Variants in SMYD3 observed in about 807,000 individuals in gnomAD.
The protein encoded by SMYD3 is histone-lysine N-methyltransferase SMYD3.
A neutral mutation model predicts 57.7 loss-of-function variants in SMYD3; 36 were observed. The observed-to-expected ratio is 0.62, with a 90% CI of 0.48 to 0.82. The LOEUF (loss-of-function observed/expected upper bound fraction) is 0.82, where lower values mean the gene tolerates loss of function less well. SMYD3 is among the 40% of genes least tolerant of loss of function. SMYD3 has a pLI of 0.00. For missense variants in SMYD3, 515 were observed against 538.8 expected, an observed-to-expected ratio of 0.96 and a Z score of 0.44; for synonymous variants, 211 against 195.0, an observed-to-expected ratio of 1.08 and a Z score of -0.68.
At chr1:245,996,111 T>C (rs2058925990) in intron 5 of SMYD3, among the ~76,000 whole-genome samples, 1 of 152,222 alleles carries the variant, frequency 6.6e-6, no homozygotes, top group Non-Finnish European at 1.5e-5. Flanking sequence ...GGAAGAAATG[T>C]TTCTTGTTTA....
At chr1:246,353,573 T>C (rs1237401058) in intron 2 of SMYD3, among the ~76,000 whole-genome samples, 1 of 152,160 alleles carries the variant, frequency 6.6e-6, no homozygotes, top group African/African-American at 2.4e-5. Flanking sequence ...ATACAATATA[T>C]AATGGAAAAC....
chr1:245,971,729 G>C (rs1035778193), intron 5 of SMYD3, among the ~76,000 whole-genome samples: 2 of 152,080 alleles, frequency 1.3e-5, no homozygotes, highest in Non-Finnish European at 2.9e-5. Context: ...ATGGTTGGTG[G>C]GTTTATTTTT....
intron 5 of SMYD3, among the ~76,000 whole-genome samples, chr1:246,322,656 C>T (rs1178444254): frequency 6.6e-6 from 1 of 152,128 alleles, no homozygotes; most frequent in African/African-American, 2.4e-5. Flanking sequence ...CCTTTCATTG[C>T]TCACACTTTA....
chr1:246,452,233 C>T (rs997920672), intron 1 of SMYD3, among the ~76,000 whole-genome samples: 1 of 152,146 alleles, frequency 6.6e-6, no homozygotes, highest in African/African-American at 2.4e-5. Flanking sequence ...GGGCCAGGGG[C>T]GGTGGCTCAC....
chr1:245,885,241 CTTTAAGAACTG>C, intron 8 of SMYD3, among the ~76,000 whole-genome samples: 1 of 152,198 alleles, frequency 6.6e-6, no homozygotes, highest in Middle Eastern at 3.2e-3. Flanking sequence ...GACACACCAT[CTTTAAGAACTG>C]TAACACTCAC....
chr1:246,019,952 T>A (rs1057224642), intron 5 of SMYD3, among the ~76,000 whole-genome samples: 1 of 152,118 alleles, frequency 6.6e-6, no homozygotes, highest in Non-Finnish European at 1.5e-5. Context: ...AGAAAGGAGA[T>A]TTTTCTCTTC....
intron 10 of SMYD3, among the ~76,000 whole-genome samples, chr1:245,815,889 G>A (rs941886091): frequency 1.3e-5 from 2 of 152,194 alleles, no homozygotes; most frequent in African/African-American, 4.8e-5. Flanking sequence ...CCTGGGTCTT[G>A]TGATTCCAAA....
chr1:245,991,044 C>A (rs1241708673), intron 5 of SMYD3, among the ~76,000 whole-genome samples: 1 of 152,190 alleles, frequency 6.6e-6, no homozygotes, highest in Non-Finnish European at 1.5e-5. Context: ...CTAACAATTA[C>A]CAAAGATCCA....
At chr1:245,801,724 TAAAAA>T (rs35820552) in intron 10 of SMYD3, among the ~76,000 whole-genome samples, 1 of 145,546 alleles carries the variant, frequency 6.9e-6, no homozygotes, top group Non-Finnish European at 1.5e-5. Flanking sequence ...CAGGATTTGT[TAAAAA>T]AAAAAAAAAA....
intron 5 of SMYD3, among the ~76,000 whole-genome samples, chr1:246,026,813 G>A (rs1389432968): frequency 3.3e-5 from 5 of 152,194 alleles, no homozygotes; most frequent in African/African-American, 1.2e-4. Context: ...CACGTGAAAG[G>A]AGGAGTTGCA....
intron 10 of SMYD3, among the ~76,000 whole-genome samples, chr1:245,806,810 T>A (rs1268167615): frequency 6.8e-6 from 1 of 146,324 alleles, no homozygotes; most frequent in Admixed American, 7.1e-5. Context: ...CTCGGGAGGC[T>A]GAGGCAGGAG....
chr1:245,763,489 C>T (rs1458991873), intron 11 of SMYD3, among the ~76,000 whole-genome samples: 1 of 152,006 alleles, frequency 6.6e-6, no homozygotes, highest in Non-Finnish European at 1.5e-5. Context: ...GCACTTAAGG[C>T]AGAGGAAAAA....
At chr1:246,195,418 T>C (rs2062815646) in intron 5 of SMYD3, among the ~76,000 whole-genome samples, 1 of 152,098 alleles carries the variant, frequency 6.6e-6, no homozygotes, top group South Asian at 2.1e-4. Flanking sequence ...TGACAATAGG[T>C]AACTTTTCAT....
intron 11 of SMYD3, among the ~76,000 whole-genome samples, chr1:245,751,548 G>GAGAGAGAC (rs1197603130): frequency 1.3e-4 from 20 of 149,368 alleles, no homozygotes; most frequent in South Asian, 4.2e-4. Context: ...GAGAAAGAGA[G>GAGAGAGAC]AGAGAGACAG....
intron 5 of SMYD3, among the ~76,000 whole-genome samples, chr1:246,016,276 A>G (rs2059375103): frequency 6.6e-6 from 1 of 151,892 alleles, no homozygotes; most frequent in Admixed American, 6.6e-5. Flanking sequence ...AGGGAAAGGA[A>G]ACATCATGCT....
At chr1:245,980,217 CA>C (rs1192595708) in intron 5 of SMYD3, among the ~76,000 whole-genome samples, 14 of 152,238 alleles carry the variant, frequency 9.2e-5, no homozygotes. Flanking sequence ...CATGATTTTT[CA>C]TTTGCTTTAC....
chr1:246,051,627 C>T (rs1331076463), intron 5 of SMYD3, among the ~76,000 whole-genome samples: 2 of 149,066 alleles, frequency 1.3e-5, no homozygotes, highest in Non-Finnish European at 3.0e-5. Flanking sequence ...AACTGTAGGC[C>T]ATAAAATTAA....
chr1:246,125,004 G>A (rs961259419), intron 5 of SMYD3, among the ~76,000 whole-genome samples: 3 of 151,430 alleles, frequency 2.0e-5, no homozygotes, highest in African/African-American at 4.9e-5. Context: ...CCCGAGAGGC[G>A]GAGCTTGCAG....
At chr1:246,166,100 T>TAA (rs376483658) in intron 5 of SMYD3, among the ~76,000 whole-genome samples, 3 of 150,014 alleles carry the variant, frequency 2.0e-5, no homozygotes, top group Non-Finnish European at 3.0e-5. Flanking sequence ...CTCCCTTTTT[T>TAA]AAAAAAAAAA....
Sources: gnomAD v4.1 joint callset for allele counts (sites outside exome capture counted in the v4.1 genomes callset) on GRCh38, gnomAD v4.1.1 for gene constraint, MANE v1.5 for transcripts, NCBI Gene and HGNC (gene_info 2026-07-23, HGNC 2026-07-21) for gene names.